PARP4: variants seen among roughly 807,000 people sequenced by gnomAD.
PARP4 encodes protein mono-ADP-ribosyltransferase PARP4.
A neutral mutation model predicts 187.7 loss-of-function variants in PARP4; 120 were observed. The observed-to-expected ratio is 0.64, with a 90% confidence interval of 0.55 to 0.74. The LOEUF (loss-of-function observed/expected upper bound fraction) is 0.74. PARP4 is among the 30% of genes least tolerant of loss of function. PARP4 has a pLI of 0.00. For missense variants in PARP4, 1,836 were observed against 2,070.5 expected (o/e 0.89, Z 2.20); for synonymous variants, 654 against 740.9 (o/e 0.88, Z 1.90).
In PARP4 at chr13:24,434,987, G is replaced by A. The variant is rs147924453; in HGVS notation, c.4154C>T (p.Thr1385Ile). Reference sequence around the variant, plus strand: ...AGAAGGTGGGTTCTGGGGAGGTCCTGTGGGACAAGACGCCGACTGTGGGAT... The same window carrying A: ...AGAAGGTGGGTTCTGGGGAGGTCCTATGGGACAAGACGCCGACTGTGGGAT... ...DWIPQSASCP[T>I]GPPQNPPSSP... is the part of the protein sequence containing the mutation. Residue 1385 changes from threonine to isoleucine, a missense_variant, in exon 31 of 34, where the codon ACA becomes ATA. This residue lies in a region of PARP4 where 450 missense variants were observed against 439.2 expected (regional missense o/e 1.02). Coordinates refer to ENST00000381989, the MANE Select transcript of PARP4 (RefSeq NM_006437.4). 880 of 1,613,886 alleles carry A rather than the reference G, an allele frequency of 5.5e-4. No homozygotes were observed. Among genetic ancestry groups the A allele is most frequent in the Non-Finnish European group, 7.2e-4 (848 of 1,179,952 alleles).
chr13:24,501,330 A>C lies in PARP4; in HGVS notation c.334+303T>G, dbSNP rs369822715. On this transcript the variant is annotated intron_variant, in intron 3 of 33. Coordinates refer to ENST00000381989, the MANE Select transcript of PARP4 (RefSeq NM_006437.4). ...AAATTTCCAGTCATTAGGTTGTAGTAATCACTGTTTAACACAAAGGCTTTC... is the reference window on the plus strand; with the variant it reads ...AAATTTCCAGTCATTAGGTTGTAGTCATCACTGTTTAACACAAAGGCTTTC... Among the ~76,000 whole-genome samples the C allele has an allele frequency of 3.2e-4, 48 of 152,306 alleles. No homozygotes were observed. In the South Asian group the frequency reaches 9.1e-3, roughly 29 times the overall value.
rs758131169 is a variant in PARP4 at position 24,453,613 on chromosome 13, T to G, written c.2800A>C (p.Asn934His). The G allele has an allele frequency of 7.5e-6, 12 of 1,605,638 alleles. No homozygotes were observed. Among genetic ancestry groups the G allele is most frequent in the African/African-American group, 2.7e-5 (2 of 74,690 alleles). The change falls in exon 23 of 34, where the codon AAT becomes CAT. Residue 934 changes from asparagine (N) to histidine (H), a missense_variant. By Grantham distance (68) the Asn-to-His change is moderately conservative. Around this residue, in one of 8 missense-constraint regions of PARP4, gnomAD observed 1,147 missense variants for 1,214.2 expected, o/e 0.94. Transcript: ENST00000381989. ...LFSYPKHITS[N>H]TMAAEFIMSA... ...ATGATGAACTCTGCTGCCATGGTAT[T>G]GCTTGTGATATGCTTAGGATACGAA...
At chr13:24,436,880 T>TA (rs1311831169) in intron 30 of PARP4, among the ~76,000 whole-genome samples, 11 of 152,208 alleles carry the variant, frequency 7.2e-5, no homozygotes, top group Admixed American at 7.2e-4. Context: ...TTCAAGTTTA[T>TA]ACCTGAATAA....
At chr13:24,471,289 C>T (rs1280722384) in intron 15 of PARP4, among the ~76,000 whole-genome samples, 3 of 152,162 alleles carry the variant, frequency 2.0e-5, no homozygotes, top group East Asian at 1.9e-4. Flanking sequence ...TTTCTTCCTA[C>T]TCAGTAGCCT....
chr13:24,494,985 C>T (rs763376871), intron 6 of PARP4, among the ~76,000 whole-genome samples: 6 of 152,044 alleles, frequency 3.9e-5, no homozygotes, highest in Non-Finnish European at 8.8e-5. Context: ...GATTCTTCTG[C>T]CTCAGCCTCC....
chr13:24,483,161 A>C (rs369528014), intron 12 of PARP4, among the ~76,000 whole-genome samples: 4 of 152,182 alleles, frequency 2.6e-5, no homozygotes, highest in African/African-American at 9.6e-5. Flanking sequence ...CTTTGATTAC[A>C]GGTGTGTGAC....
chr13:24,507,257 G>A (rs970014426), intron 1 of PARP4, among the ~76,000 whole-genome samples: 15 of 152,226 alleles, frequency 9.9e-5, no homozygotes, highest in Non-Finnish European at 2.1e-4. Flanking sequence ...GCGGGCTGAA[G>A]GGCTCCTCAA....
Position 24,449,132 on chromosome 13 carries a change from T to G in PARP4, c.3114+586A>C, listed in dbSNP as rs186130939. ...GGCCAGGCGCGGTGGCTCACGCCTG[T>G]AATCCCAGCACTTTGGGAGGCCAAG... On this transcript the variant is annotated intron_variant, in intron 25 of 33. Coordinates refer to ENST00000381989, the MANE Select transcript of PARP4 (RefSeq NM_006437.4). Among the ~76,000 whole-genome samples the G allele has an allele frequency of 2.3e-3, 352 of 152,278 alleles. 4 individuals are homozygous for G. Among genetic ancestry groups the G allele is most frequent in the African/African-American group, 7.7e-3 (319 of 41,554 alleles).
intron 9 of PARP4, among the ~76,000 whole-genome samples, chr13:24,491,817 T>C (rs1406331574): frequency 1.3e-5 from 2 of 152,224 alleles, no homozygotes; most frequent in African/African-American, 2.4e-5. Flanking sequence ...GGTTTGAGAT[T>C]GTGCACATGA....
At chr13:24,499,202 C>T in intron 5 of PARP4, 99 bp downstream of exon 5, 1 of 1,327,740 alleles carries the variant, frequency 7.5e-7, no homozygotes, top group South Asian at 1.9e-5. Flanking sequence ...CATAATTTTT[C>T]AAAACAATGA....
At position 24,484,717 on chromosome 13, in the gene PARP4, G is replaced by C. The variant is rs142799760; in HGVS notation, c.1384C>G (p.Arg462Gly). The change falls in exon 12 of 34, where the codon CGT (arginine) becomes GGT (glycine). Residue 462 changes from arginine to glycine, a missense_variant. Arg to Gly is a moderately radical substitution (Grantham distance 125, BLOSUM62 -2). Around this residue, in one of 8 missense-constraint regions of PARP4, gnomAD observed 1,147 missense variants for 1,214.2 expected, o/e 0.94. Coordinates refer to ENST00000381989, the MANE Select transcript of PARP4 (RefSeq NM_006437.4). Reference protein sequence around the residue: ...GLLLPKVVEDRGVQRTDVGNL... With the variant: ...GLLLPKVVEDGGVQRTDVGNL... ...CCGACGTCTGTTCTTTGCACACCAC[G>C]ATCTTCCACTACTTTGGGTAAAAGC... 1.2e-6 allele frequency: 2 copies of C among 1,608,746 alleles called. No individual in the cohort carries two copies. Among genetic ancestry groups the C allele is most frequent in the African/African-American group, 2.7e-5 (2 of 74,922 alleles).
chr13:24,479,161 C>T (rs1289324352), intron 12 of PARP4, among the ~76,000 whole-genome samples: 1 of 152,184 alleles, frequency 6.6e-6, no homozygotes, highest in Non-Finnish European at 1.5e-5. Context: ...TAGGACACAC[C>T]TTTGGACACA....
In PARP4 at chr13:24,448,783, G is replaced by T. The variant is rs562538130; in HGVS notation, c.3114+935C>A. ...CATCCATGCAATGGAATATTATTTA[G>T]CTTTAAAAAGAAGGGAAATTCTGAC... is the stretch of plus-strand genomic sequence containing the variant. On this transcript the variant is annotated intron_variant, in intron 25 of 33. Coordinates refer to ENST00000381989, the MANE Select transcript of PARP4 (RefSeq NM_006437.4). Among the ~76,000 whole-genome samples, 4 of 152,304 alleles carry T rather than the reference G, an allele frequency of 2.6e-5. No homozygotes were observed. In the South Asian group the frequency reaches 6.2e-4, roughly 24 times the overall value.
At chr13:24,468,817 T>C (rs1872603176) in intron 17 of PARP4, among the ~76,000 whole-genome samples, 1 of 152,228 alleles carries the variant, frequency 6.6e-6, no homozygotes, top group South Asian at 2.1e-4. Flanking sequence ...CTCTTCTTGT[T>C]TGTCTGGAAC....
At chr13:24,473,450 G>A (rs954819290) in intron 15 of PARP4, among the ~76,000 whole-genome samples, 1 of 152,090 alleles carries the variant, frequency 6.6e-6, no homozygotes, top group African/African-American at 2.4e-5. Context: ...GTAAAATTCA[G>A]AACAGTTTAC....
At chr13:24,459,532 T>TACAC (rs762453075) in intron 18 of PARP4, 29,903 of 315,620 alleles carry the variant, frequency 0.095, 1,627 homozygotes, top group Middle Eastern at 0.13. Context: ...TCTGTGTGTA[T>TACAC]ACACACACAC....
intron 33 of PARP4, among the ~76,000 whole-genome samples, chr13:24,423,240 T>C (rs1869838028): frequency 1.3e-5 from 2 of 152,156 alleles, no homozygotes. Flanking sequence ...TGGTTTATTT[T>C]AAAATAAAAT....
chr13:24,431,559 G>A (rs1427023916), intron 31 of PARP4, 83 bp from the exon 32 acceptor site: 15 of 864,162 alleles, frequency 1.7e-5, no homozygotes, highest in Middle Eastern at 2.3e-4. Context: ...AAGGAGTGGG[G>A]CAAGGGTTGA....
chr13:24,423,486 G>A (rs887087746), intron 33 of PARP4, among the ~76,000 whole-genome samples: 5 of 151,498 alleles, frequency 3.3e-5, no homozygotes, highest in African/African-American at 7.3e-5. Context: ...AGCCGAGATC[G>A]TGCCACTGCA....
Sources: gnomAD v4.1 joint callset for allele counts (sites outside exome capture counted in the v4.1 genomes callset) on GRCh38, gnomAD v4.1.1 for gene constraint, gnomAD v4.1.1 regional missense constraint, MANE v1.5 for transcripts, NCBI Gene and HGNC (gene_info 2026-07-23, HGNC 2026-07-21) for gene names.